Variants in ATG12 observed in about 807,000 individuals in gnomAD.
ATG12 encodes autophagy related 12, also known as ubiquitin-like protein ATG12.
Under a neutral mutation model 17.6 loss-of-function variants are expected in ATG12, and 19 were observed. The observed-to-expected ratio is 1.08, with a 90% CI of 0.75 to 1.58. The LOEUF (loss-of-function observed/expected upper bound fraction) is 1.58. Among genes scored for constraint, ATG12 ranks in the 40% most tolerant of loss-of-function variants. The probability of loss-of-function intolerance (pLI) is 0.00; values close to 1 mark genes in which losing one functional copy is unlikely to be tolerated. For synonymous variants in ATG12, 75 were observed against 62.4 expected (o/e 1.20, Z -0.95); for missense variants, 214 against 162.0 (o/e 1.32, Z -1.74).
At chr5:115,841,284 G>C (rs535769053) in intron 1 of ATG12, 106 bp downstream of exon 1, 2 of 1,459,296 alleles carry the variant, frequency 1.4e-6, no homozygotes, top group East Asian at 4.6e-5. Context: ...CAAAATGCAG[G>C]TCTAGGACAG....
chr5:115,832,693 G>C (rs1760936452), intron 2 of ATG12, 29 bp from the exon 3 acceptor site: 2 of 1,434,028 alleles, frequency 1.4e-6, no homozygotes, highest in Non-Finnish European at 1.8e-6. Context: ...AAACAGAGAT[G>C]TTTAATGGTA....
chr5:115,832,901 T>C, intron 2 of ATG12: 1 of 372,806 alleles, frequency 2.7e-6, no homozygotes, highest in Non-Finnish European at 4.9e-6. Flanking sequence ...CCTAACTTTG[T>C]ATAACTAAGA....
chr5:115,840,109 A>G (rs1458223547), intron 1 of ATG12, among the ~76,000 whole-genome samples: 1 of 152,230 alleles, frequency 6.6e-6, no homozygotes, highest in African/African-American at 2.4e-5. Context: ...GGAAGAAAAA[A>G]TGCAACAAAA....
chr5:115,840,672 C>A, intron 1 of ATG12: 3 of 1,213,686 alleles, frequency 2.5e-6, no homozygotes, highest in Non-Finnish European at 3.1e-6. Context: ...ATCGAGGATG[C>A]TTATATGCTG....
rs1450964118 is a variant in ATG12, at chr5:115,841,541, C to G, written c.12G>C (p.Glu4Asp). 2 of 1,613,658 alleles carry G rather than the reference C, an allele frequency of 1.2e-6. No homozygotes were observed. Among genetic ancestry groups the G allele is most frequent in the East Asian group, 4.5e-5 (2 of 44,842 alleles). Residue 4 changes from glutamate to aspartate, a missense_variant, in exon 1 of 4, where the codon GAG becomes GAC. Transcript: ENST00000509910. MAE[E>D]PQSVLQLPTS... is the part of the protein sequence containing the mutation. ...TAGGAAGCTGCAACACAGACTGCGG[C>G]TCCTCCGCCATCTTGCTTGGAGACA...
chr5:115,840,432 G>C, intron 1 of ATG12: 1 of 256,936 alleles, frequency 3.9e-6, no homozygotes, highest in Non-Finnish European at 7.4e-6. Context: ...CGAGTAGCTG[G>C]GATTACAGGC....
intron 3 of ATG12, among the ~76,000 whole-genome samples, chr5:115,832,169 T>A (rs1314813983): frequency 6.6e-6 from 1 of 151,440 alleles, no homozygotes; most frequent in Admixed American, 6.6e-5. Flanking sequence ...GTGGTGCTAG[T>A]ATGTGTACTC....
At chr5:115,840,498 A>G in intron 1 of ATG12, 1 of 622,750 alleles carries the variant, frequency 1.6e-6, no homozygotes, top group African/African-American at 2.0e-5. Flanking sequence ...GAGTCTTACC[A>G]TGTTGGCCAG....
chr5:115,828,802 C>T lies in ATG12; in HGVS notation c.*3002G>A, dbSNP rs779427118. The T allele has an allele frequency of 6.6e-6, 1 of 152,092 alleles. No individual in the cohort carries two copies. Among genetic ancestry groups the T allele is most frequent in the Non-Finnish European group, 1.5e-5 (1 of 68,002 alleles). 9.4% of individuals were successfully genotyped at this position (152,092 alleles called of 1,614,324 possible). A position where few individuals can be genotyped will look rare whatever the true frequency, so the allele number is the denominator to read the frequency against. Reference sequence around the variant, plus strand: ...TGTGTGTGTGGGTACCAGATAAAAACCAGAATAACTGGACACATGGCTCTG... The same window carrying T: ...TGTGTGTGTGGGTACCAGATAAAAATCAGAATAACTGGACACATGGCTCTG... On this transcript the variant is annotated 3_prime_UTR_variant, in exon 4 of 4. Transcript: ENST00000509910.
In ATG12 at chr5:115,830,433, C is replaced by G. The variant is rs1487978158; in HGVS notation, c.*1371G>C. 1.3e-5 allele frequency: 2 copies of G among 152,060 alleles called. No individual in the cohort carries two copies. The highest frequency in any genetic ancestry group is 2.9e-5 in the Non-Finnish European group (2 of 68,012). 9.4% of individuals were successfully genotyped at this position (152,060 alleles called of 1,614,324 possible). On this transcript the variant is annotated 3_prime_UTR_variant, in exon 4 of 4. Coordinates refer to ENST00000509910, the MANE Select transcript of ATG12 (RefSeq NM_004707.4). ...GAACTGGACAAAACTAGAGAACAGA[C>G]CTTTTCCATACTCATTTAACTTTAA...
Position 115,831,780 on chromosome 5 carries a change from T to C in ATG12, c.*24A>G, listed in dbSNP as rs369603820. 68 of 1,608,752 alleles carry C rather than the reference T, an allele frequency of 4.2e-5. No individual in the cohort carries two copies. The highest frequency in any genetic ancestry group is 5.5e-5 in the Non-Finnish European group (65 of 1,177,540). On this transcript the variant is annotated 3_prime_UTR_variant, in exon 4 of 4. Coordinates refer to ENST00000509910, the MANE Select transcript of ATG12 (RefSeq NM_004707.4). Reference sequence around the variant, plus strand: ...TTCCGTGAAAATCCATTTCATGTAGTAGCAAGTTGATTTTCTTTGTGGTTC... The same window carrying C: ...TTCCGTGAAAATCCATTTCATGTAGCAGCAAGTTGATTTTCTTTGTGGTTC...
In ATG12 at chr5:115,839,791, T is replaced by C. The variant is rs186179509; in HGVS notation, c.163+1599A>G. On this transcript the variant is annotated intron_variant, in intron 1 of 3. Transcript: ENST00000509910. ...AAACAGTTAAGCTGCTTTCATCATA[T>C]TATCCTCAACAAATAATGACAAGCA... 6.3e-3 allele frequency among the ~76,000 whole-genome samples: 967 copies of C among 152,312 alleles called. 6 individuals carry two copies. Among genetic ancestry groups the C allele is most frequent in the Non-Finnish European group, 9.9e-3 (674 of 68,020 alleles).
At chr5:115,841,344 G>A (rs1245381228) in intron 1 of ATG12, 46 bp downstream of exon 1, 2 of 1,607,242 alleles carry the variant, frequency 1.2e-6, no homozygotes, top group African/African-American at 2.7e-5. Flanking sequence ...CTACTCGGAT[G>A]CAATCTGAAC....
At position 115,828,635 on chromosome 5, in the gene ATG12, C is replaced by G. The variant is rs549812740; in HGVS notation, c.*3169G>C. ...CACTGTCATATGTTGCAAATATTTT[C>G]CATTACCTTCTGCTGTACAAAAACT... On this transcript the variant is annotated 3_prime_UTR_variant, in exon 4 of 4. Coordinates refer to ENST00000509910, the MANE Select transcript of ATG12 (RefSeq NM_004707.4). The G allele has an allele frequency of 2.6e-5, 4 of 152,134 alleles. No individual in the cohort carries two copies. Among genetic ancestry groups the G allele is most frequent in the Non-Finnish European group, 5.9e-5 (4 of 67,994 alleles). The allele number at this position is 152,134 out of a possible 1,614,324, so 9.4% of individuals were successfully genotyped here. A position where few individuals can be genotyped will look rare whatever the true frequency, so the allele number is the denominator to read the frequency against.
chr5:115,835,660 C>A (rs1238895862), intron 2 of ATG12, among the ~76,000 whole-genome samples: 1 of 152,176 alleles, frequency 6.6e-6, no homozygotes, highest in Admixed American at 6.5e-5. Flanking sequence ...TCACGTGCTA[C>A]AGAAGAGGGC....
chr5:115,838,479 T>A (rs988538410), intron 1 of ATG12: 1 of 152,204 alleles, frequency 6.6e-6, no homozygotes, highest in Non-Finnish European at 1.5e-5. Context: ...ATGTATAATA[T>A]CTTAAATTCA....
Position 115,831,044 on chromosome 5 carries a change from G to A in ATG12, c.*760C>T, listed in dbSNP as rs1309293668. 6.6e-6 allele frequency: 1 copy of A among 152,158 alleles called. No homozygotes were observed. The highest frequency in any genetic ancestry group is 1.5e-5 in the Non-Finnish European group (1 of 68,022). The allele number at this position is 152,158 out of a possible 1,614,324, so 9.4% of individuals were successfully genotyped here. On this transcript the variant is annotated 3_prime_UTR_variant, in exon 4 of 4. Coordinates refer to ENST00000509910, the MANE Select transcript of ATG12 (RefSeq NM_004707.4). ...CTGGGTTTACTCATCAAGTGCTTTT[G>A]ACACCATATAAATGACAGAGTAACA...
chr5:115,836,616 G>A (rs1352419434), intron 2 of ATG12, among the ~76,000 whole-genome samples: 1 of 152,066 alleles, frequency 6.6e-6, no homozygotes, highest in Non-Finnish European at 1.5e-5. Context: ...CCATGCACAC[G>A]CCTGTGTTCA....
chr5:115,835,200 A>T (rs1220673809), intron 2 of ATG12: 1 of 152,170 alleles, frequency 6.6e-6, no homozygotes, highest in Non-Finnish European at 1.5e-5. Flanking sequence ...TTTGAAATAC[A>T]AGGTTACAAT....
Sources: gnomAD v4.1 joint callset for allele counts (sites outside exome capture counted in the v4.1 genomes callset) on GRCh38, gnomAD v4.1.1 for gene constraint, MANE v1.5 for transcripts, NCBI Gene and HGNC (gene_info 2026-07-23, HGNC 2026-07-21) for gene names.